Variants in MYRFL observed in about 807,000 individuals in gnomAD.
MYRFL encodes myelin regulatory factor like.
A neutral mutation model predicts 109.4 loss-of-function variants in MYRFL; 88 were observed. The ratio of observed to expected loss-of-function variants is 0.80; its 90% CI spans 0.68 to 0.96. MYRFL has a LOEUF of 0.96. Among genes scored for constraint, MYRFL ranks in the 40% least tolerant of loss-of-function variants. The probability of loss-of-function intolerance (pLI) is 0.00; values close to 1 mark genes in which losing one functional copy is unlikely to be tolerated. For missense variants in MYRFL, 957 were observed against 954.9 expected, an observed-to-expected ratio of 1.00 and a Z score of -0.03; for synonymous variants, 324 against 320.9, an observed-to-expected ratio of 1.01 and a Z score of -0.10.
chr12:69,836,187 G>A (rs1882929922), intron 1 of MYRFL, among the ~76,000 whole-genome samples: 1 of 152,194 alleles, frequency 6.6e-6, no homozygotes, highest in African/African-American at 2.4e-5. Context: ...GGGCTAGCCG[G>A]CATGCCGGTG....
chr12:69,879,148 C>T (rs1282550512), intron 3 of MYRFL, 47 bp from the exon 4 acceptor site: 1 of 702,780 alleles, frequency 1.4e-6, no homozygotes, highest in African/African-American at 1.7e-5. Context: ...TCCTCCTCGA[C>T]TCTGGGCCGT....
At chr12:69,902,468 G>A (rs1248310362) in intron 10 of MYRFL, among the ~76,000 whole-genome samples, 1 of 152,084 alleles carries the variant, frequency 6.6e-6, no homozygotes, top group Non-Finnish European at 1.5e-5. Context: ...CATCCTTGAG[G>A]AAACCATTGT....
intron 1 of MYRFL, among the ~76,000 whole-genome samples, chr12:69,845,542 T>C (rs1883476870): frequency 6.6e-6 from 1 of 152,158 alleles, no homozygotes; most frequent in Non-Finnish European, 1.5e-5. Flanking sequence ...GTTGGTGATG[T>C]CTCCTCCACT....
At chr12:69,883,959 ACT>A (rs1482153641) in intron 5 of MYRFL, among the ~76,000 whole-genome samples, 1 of 152,068 alleles carries the variant, frequency 6.6e-6, no homozygotes, top group Non-Finnish European at 1.5e-5. Context: ...TTCCATATAA[ACT>A]CTGCTATGGT....
In MYRFL at chr12:69,943,042, C is replaced by G. The variant is rs527791201; in HGVS notation, c.2224+6410C>G. Among the ~76,000 whole-genome samples the G allele has an allele frequency of 1.5e-3, 220 of 150,850 alleles. 3 individuals are homozygous for G. Among genetic ancestry groups the G allele is most frequent in the African/African-American group, 5.0e-3 (204 of 40,472 alleles). Reference sequence around the variant, plus strand: ...TCAAGGAAATAAAAGAGTATACAAACAAATGGAAGAACATTCCATGCTCAT... The same window carrying G: ...TCAAGGAAATAAAAGAGTATACAAAGAAATGGAAGAACATTCCATGCTCAT... On this transcript the variant is annotated intron_variant, in intron 19 of 24. Coordinates refer to ENST00000552032, the MANE Select transcript of MYRFL (RefSeq NM_182530.3).
rs1348649649 is a variant in MYRFL, at chr12:69,934,425, G to GCTAA, written c.1917-1686_1917-1685insAACT. Among the ~76,000 whole-genome samples the GCTAA allele has an allele frequency of 2.6e-5, 4 of 152,318 alleles. No individual in the cohort carries two copies. The East Asian group carries it at 7.7e-4, about 29-fold the overall frequency. ...GTTAGGGTGCTAATTAGTGTTTTTAGCTCTGCCATCTGCAGCCCAATGAAC... is the reference window on the plus strand; with the variant it reads ...GTTAGGGTGCTAATTAGTGTTTTTAGCTAACTCTGCCATCTGCAGCCCAATGAAC... On this transcript the variant is annotated intron_variant, in intron 16 of 24. Transcript: ENST00000552032.
Position 69,918,402 on chromosome 12 carries a change from A to AAG in MYRFL, c.1602+7476_1602+7477dup, listed in dbSNP as rs1954814504. Among the ~76,000 whole-genome samples, 3 of 152,320 alleles carry AAG rather than the reference A, an allele frequency of 2.0e-5. No homozygotes were observed. In the South Asian group the frequency reaches 6.2e-4, roughly 32 times the overall value. ...GCTGAGAAGATTGGATGAAAGTAGG[A>AAG]AGAGAACATGGGGCAAGCACAGTGT... On this transcript the variant is annotated intron_variant, in intron 13 of 24. Transcript: ENST00000552032.
intron 7 of MYRFL, 53 bp from the exon 8 acceptor site, chr12:69,893,711 A>G (rs2136340430): frequency 8.7e-7 from 1 of 1,151,504 alleles, no homozygotes; most frequent in Admixed American, 3.0e-5. Context: ...TTCTTTGCTG[A>G]TTAACATTTT....
At chr12:69,831,750 A>G (rs1218541517) in intron 1 of MYRFL, among the ~76,000 whole-genome samples, 5 of 152,200 alleles carry the variant, frequency 3.3e-5, no homozygotes, top group Non-Finnish European at 7.3e-5. Context: ...TATGAGAAAC[A>G]TGAGGCTGAC....
chr12:69,909,553 A>T (rs977533168), intron 11 of MYRFL, among the ~76,000 whole-genome samples: 9 of 151,670 alleles, frequency 5.9e-5, no homozygotes, highest in African/African-American at 1.9e-4. Context: ...AAAGATATTA[A>T]AAAAAAAATT....
rs201777249 is a variant in MYRFL at position 69,955,344 on chromosome 12, A to T, written c.2376-19A>T. 170 of 609,170 alleles carry T rather than the reference A, an allele frequency of 2.8e-4. No homozygotes were observed. In the African/African-American group the frequency reaches 3.0e-3, roughly 11 times the overall value. 37.7% of individuals were successfully genotyped at this position (609,170 alleles called of 1,614,324 possible). A position where few individuals can be genotyped will look rare whatever the true frequency, so the allele number is the denominator to read the frequency against. ...CCTGCATATTTTGATTTGTGGTTTTATTTTCTTTCCATAATTAGATCTGGA... is the reference window on the plus strand; with the variant it reads ...CCTGCATATTTTGATTTGTGGTTTTTTTTTCTTTCCATAATTAGATCTGGA... On this transcript the variant is annotated intron_variant, in intron 21 of 24. Coordinates refer to ENST00000552032, the MANE Select transcript of MYRFL (RefSeq NM_182530.3).
chr12:69,864,201 G>C (rs1240186013), intron 2 of MYRFL, among the ~76,000 whole-genome samples: 1 of 152,144 alleles, frequency 6.6e-6, no homozygotes, highest in Non-Finnish European at 1.5e-5. Context: ...CCACATCTGG[G>C]AAATTTGTAG....
chr12:69,860,541 A>G (rs2136324379), intron 2 of MYRFL, among the ~76,000 whole-genome samples: 1 of 152,214 alleles, frequency 6.6e-6, no homozygotes, highest in East Asian at 1.9e-4. Context: ...CTCAACTTAG[A>G]CAATTTATAT....
At chr12:69,929,692 A>G (rs1955212811) in intron 15 of MYRFL, among the ~76,000 whole-genome samples, 1 of 152,252 alleles carries the variant, frequency 6.6e-6, no homozygotes, top group Non-Finnish European at 1.5e-5. Context: ...AGGAGGCAGC[A>G]TAGCACTGTG....
intron 2 of MYRFL, among the ~76,000 whole-genome samples, chr12:69,855,986 A>G (rs1884258541): frequency 6.6e-6 from 1 of 152,056 alleles, no homozygotes; most frequent in African/African-American, 2.4e-5. Context: ...TTTTGTATAA[A>G]TTTCTGAGTT....
chr12:69,888,504 A>C (rs1296886524), intron 6 of MYRFL, among the ~76,000 whole-genome samples: 1 of 152,240 alleles, frequency 6.6e-6, no homozygotes, highest in Non-Finnish European at 1.5e-5. Flanking sequence ...TTAAAAAGCC[A>C]GTTTAATTGA....
At chr12:69,950,234 C>G (rs1037960451) in intron 19 of MYRFL, among the ~76,000 whole-genome samples, 3 of 152,096 alleles carry the variant, frequency 2.0e-5, no homozygotes, top group Non-Finnish European at 4.4e-5. Context: ...CATTTTTACC[C>G]ACTCTCTCCA....
intron 1 of MYRFL, among the ~76,000 whole-genome samples, chr12:69,840,641 G>A (rs932053091): frequency 2.0e-5 from 3 of 152,142 alleles, no homozygotes; most frequent in Non-Finnish European, 4.4e-5. Flanking sequence ...TTCATTTAGC[G>A]TCTAGTTGAA....
intron 7 of MYRFL, among the ~76,000 whole-genome samples, chr12:69,892,437 G>T (rs1298883025): frequency 6.6e-6 from 1 of 152,130 alleles, no homozygotes; most frequent in African/African-American, 2.4e-5. Flanking sequence ...TTAAGACAGG[G>T]TTTCGCTCTG....
Sources: gnomAD v4.1 joint callset for allele counts (sites outside exome capture counted in the v4.1 genomes callset) on GRCh38, gnomAD v4.1.1 for gene constraint, MANE v1.5 for transcripts, NCBI Gene and HGNC (gene_info 2026-07-23, HGNC 2026-07-21) for gene names.